VPS26B: variants seen among roughly 807,000 people sequenced by gnomAD.
The protein encoded by VPS26B is VPS26 retromer complex component B.
In VPS26B, 10 loss-of-function variants were observed where a neutral mutation model predicts 33.3. The ratio of observed to expected loss-of-function variants is 0.30; its 90% CI spans 0.19 to 0.51. The LOEUF is 0.51. VPS26B is among the 20% of genes least tolerant of loss of function. The probability of loss-of-function intolerance (pLI) is 0.98; values close to 1 mark genes in which losing one functional copy is unlikely to be tolerated. For synonymous variants in VPS26B, 190 were observed against 176.9 expected (o/e 1.07, Z -0.59); for missense variants, 317 against 452.7 (o/e 0.70, Z 2.72).
chr11:134,225,572 G>T, intron 1 of VPS26B: 1 of 553,624 alleles, frequency 1.8e-6, no homozygotes. Context: ...CGGCGAGGGC[G>T]GGAGGAAGCG....
chr11:134,226,818 G>T (rs1938483730), intron 1 of VPS26B, among the ~76,000 whole-genome samples: 1 of 152,174 alleles, frequency 6.6e-6, no homozygotes, highest in East Asian at 1.9e-4. Flanking sequence ...TTGTGGCCTG[G>T]CTCTTGGGTT....
At chr11:134,236,823 G>C (rs1380153961) in intron 2 of VPS26B, 1 of 152,258 alleles carries the variant, frequency 6.6e-6, no homozygotes, top group Non-Finnish European at 1.5e-5. Context: ...GAGGAAATGG[G>C]GGTTGGTGTT....
chr11:134,243,419 T>A, intron 4 of VPS26B, 125 bp downstream of exon 4: 1 of 1,186,790 alleles, frequency 8.4e-7, no homozygotes, highest in Non-Finnish European at 1.2e-6. Flanking sequence ...AACTTCTTAA[T>A]CTCTCAGTTT....
Position 134,244,975 on chromosome 11 carries a change from T to C in VPS26B, c.759T>C (p.Tyr253=), listed in dbSNP as rs370478180. The C allele has an allele frequency of 2.0e-5, 32 of 1,613,944 alleles. No homozygotes were observed. The highest frequency in any genetic ancestry group is 2.7e-5 in the Non-Finnish European group (32 of 1,180,020). The change falls in exon 5 of 6, where the codon TAT becomes TAC. Residue 253 remains tyrosine, a synonymous_variant. Transcript: ENST00000281187. This position sits in a 1 kb window ranked among gnomAD's most constrained non-coding sequence, Gnocchi z 4.0. ...CGATCCGGCTCTTCCTGGCCGGGTATGAGCTCACGCCCACCATGCGGGACA... is the reference window on the plus strand; with the variant it reads ...CGATCCGGCTCTTCCTGGCCGGGTACGAGCTCACGCCCACCATGCGGGACA... ...SIPIRLFLAG[Y]ELTPTMRDIN... is the part of the protein sequence containing the mutation.
At chr11:134,233,711 C>T (rs545416067) in intron 1 of VPS26B, among the ~76,000 whole-genome samples, 22 of 145,352 alleles carry the variant, frequency 1.5e-4, no homozygotes, top group Admixed American at 1.2e-3. Context: ...GGCGACAGAG[C>T]GAGACTCTGT....
intron 1 of VPS26B, among the ~76,000 whole-genome samples, chr11:134,228,779 G>A (rs1349148490): frequency 1.3e-5 from 2 of 152,236 alleles, no homozygotes; most frequent in Non-Finnish European, 2.9e-5. Context: ...GCTAGTGAGT[G>A]AGTTTGCTGA....
At chr11:134,236,146 C>T (rs528060256) in intron 2 of VPS26B, among the ~76,000 whole-genome samples, 46 of 150,290 alleles carry the variant, frequency 3.1e-4, no homozygotes, top group Non-Finnish European at 1.6e-4. Flanking sequence ...CCTATCTCTA[C>T]GAAAAAAAAA....
chr11:134,225,034 C>T lies in VPS26B; in HGVS notation c.-89C>T. 2 of 1,280,382 alleles carry T rather than the reference C, an allele frequency of 1.6e-6. No individual in the cohort carries two copies. The highest frequency in any genetic ancestry group is 1.8e-5 in the South Asian group (1 of 56,246). The allele number at this position is 1,280,382 out of a possible 1,614,324, so 79.3% of individuals were successfully genotyped here. A position where few individuals can be genotyped will look rare whatever the true frequency, so the allele number is the denominator to read the frequency against. On this transcript the variant is annotated 5_prime_UTR_variant, in exon 1 of 6. Coordinates refer to ENST00000281187, the MANE Select transcript of VPS26B (RefSeq NM_052875.5). Reference sequence around the variant, plus strand: ...GCGGCGGCCGAGCGCGCTCGCGCATCGGGCCCTCTGGCCTTCTTTACCTAG... The same window carrying T: ...GCGGCGGCCGAGCGCGCTCGCGCATTGGGCCCTCTGGCCTTCTTTACCTAG...
rs1045332189 is a variant in VPS26B, at chr11:134,240,570, A to G, written c.545+415A>G. 6.6e-6 allele frequency among the ~76,000 whole-genome samples: 1 copy of G among 152,178 alleles called. No homozygotes were observed. The highest frequency in any genetic ancestry group is 2.4e-5 in the African/African-American group (1 of 41,428). On this transcript the variant is annotated intron_variant, in intron 3 of 5. Coordinates refer to ENST00000281187, the MANE Select transcript of VPS26B (RefSeq NM_052875.5). The surrounding 1 kb of genome is among the most constrained non-coding windows in gnomAD (Gnocchi z 4.4). ...AGAAATCAAAGCGACGAAACCAAAT[A>G]TTGGCCATGATTTGCTGCTTCCTCC...
In VPS26B at chr11:134,240,794, CGTGTGT is replaced by C. The variant is rs55726358; in HGVS notation, c.545+668_545+673del. ...GTGTCCGTGTGTGTGTGTGTGTGTC[CGTGTGT>C]GTGTGTGTGTGTGTGTGTGTGTGTG... On this transcript the variant is annotated intron_variant, in intron 3 of 5. Transcript: ENST00000281187. This position sits in a 1 kb window ranked among gnomAD's most constrained non-coding sequence, Gnocchi z 4.4. 4.4e-4 allele frequency among the ~76,000 whole-genome samples: 61 copies of C among 138,532 alleles called. No homozygotes were observed. The highest frequency in any genetic ancestry group is 2.1e-3 in the Admixed American group (29 of 13,786). 90.9% of individuals were successfully genotyped at this position (138,532 alleles called of 152,430 possible). A position where few individuals can be genotyped will look rare whatever the true frequency, so the allele number is the denominator to read the frequency against.
In VPS26B at chr11:134,240,029, ATGT is replaced by A. The variant is rs1371005002; in HGVS notation, c.423_425del (p.Val142del). 1 of 1,614,138 alleles carries A rather than the reference ATGT, an allele frequency of 6.2e-7. No homozygotes were observed. The highest frequency in any genetic ancestry group is 8.5e-7 in the Non-Finnish European group (1 of 1,180,038). On this transcript the variant is annotated inframe_deletion, in exon 3 of 6. Coordinates refer to ENST00000281187, the MANE Select transcript of VPS26B (RefSeq NM_052875.5). The surrounding 1 kb of genome is among the most constrained non-coding windows in gnomAD (Gnocchi z 4.4). ...GCTACCATCAGCCGCCGCCTCAATG[ATGT>A]TGTCAAAGAGATGGACATTGTAGTT...
chr11:134,243,878 A>G (rs1431018318), intron 4 of VPS26B: 1 of 152,190 alleles, frequency 6.6e-6, no homozygotes, highest in African/African-American at 2.4e-5. Context: ...TCATTTGGGG[A>G]CCGTGATTAT....
In VPS26B at chr11:134,231,088, G is replaced by A. The variant is rs372042612; in HGVS notation, c.224-3809G>A. On this transcript the variant is annotated intron_variant, in intron 1 of 5. Coordinates refer to ENST00000281187, the MANE Select transcript of VPS26B (RefSeq NM_052875.5). ...AGCTGGAATCCTTTGGGGAACACCA[G>A]TGAAGTTTAGAAAGCAGACCTGGGC... Among the ~76,000 whole-genome samples, 24 of 152,362 alleles carry A rather than the reference G, an allele frequency of 1.6e-4. No homozygotes were observed. The East Asian group carries it at 3.3e-3, about 21-fold the overall frequency.
chr11:134,245,222 C>T lies in VPS26B; in HGVS notation c.864+142C>T. The T allele has an allele frequency of 1.5e-6, 2 of 1,358,894 alleles. No homozygotes were observed. Among genetic ancestry groups the T allele is most frequent in the South Asian group, 1.5e-5 (1 of 68,560 alleles). The allele number at this position is 1,358,894 out of a possible 1,614,324, so 84.2% of individuals were successfully genotyped here. On this transcript the variant is annotated intron_variant, in intron 5 of 5. Coordinates refer to ENST00000281187, the MANE Select transcript of VPS26B (RefSeq NM_052875.5). This position sits in a 1 kb window ranked among gnomAD's most constrained non-coding sequence, Gnocchi z 4.7. ...ATTGCACAACAAGAATGAGGATTCT[C>T]ACCTGGCCTTAGAGTCTGCTTCCTC...
At position 134,225,278 on chromosome 11, in the gene VPS26B, T is replaced by G; in HGVS notation, c.156T>G (p.Leu52=). The change falls in exon 1 of 6, where the codon CTT becomes CTG. Residue 52 remains leucine, a synonymous_variant. Transcript: ENST00000281187. ...AGACGGTCTCCGGGAAGGTGAGCCT[T>G]GCCCTCAAGAACCCCAACAAGCGGC... The part of the protein sequence containing the change: ...DGETVSGKVS[L]ALKNPNKRLE... 1 of 1,614,118 alleles carries G rather than the reference T, an allele frequency of 6.2e-7. No homozygotes were observed. Among genetic ancestry groups the G allele is most frequent in the Non-Finnish European group, 8.5e-7 (1 of 1,179,998 alleles).
chr11:134,243,230 C>T lies in VPS26B; in HGVS notation c.657C>T (p.Pro219=), dbSNP rs747318866. Residue 219 remains proline (P), a synonymous_variant, in exon 4 of 6, where the codon CCC becomes CCT. Coordinates refer to ENST00000281187, the MANE Select transcript of VPS26B (RefSeq NM_052875.5). ...IIKRETTGTG[P]NVYHENDTIA... ...AGCGAGAAACGACGGGTACAGGCCC[C>T]AACGTGTACCATGAGAATGACACGA... The T allele has an allele frequency of 3.1e-6, 5 of 1,614,060 alleles. No homozygotes were observed. The highest frequency in any genetic ancestry group is 2.2e-5 in the East Asian group (1 of 44,884).
chr11:134,225,494 T>TG, intron 1 of VPS26B, 149 bp downstream of exon 1: 1 of 777,390 alleles, frequency 1.3e-6, no homozygotes, highest in East Asian at 2.7e-5. Flanking sequence ...GTCCCGCCCG[T>TG]GGGCGACTCC....
At chr11:134,234,836 C>T in intron 1 of VPS26B, 61 bp from the exon 2 acceptor site, 1 of 1,576,768 alleles carries the variant, frequency 6.3e-7, no homozygotes. Context: ...CAGCCCCCTA[C>T]TCGGCCCGGT....
chr11:134,235,649 G>T (rs1938620496), intron 2 of VPS26B: 1 of 152,186 alleles, frequency 6.6e-6, no homozygotes, highest in African/African-American at 2.4e-5. Flanking sequence ...TTCAAAGTGG[G>T]TAATGGACTT....
Sources: allele counts gnomAD v4.1 joint callset (sites outside exome capture counted in the v4.1 genomes callset), GRCh38; gene constraint gnomAD v4.1.1; non-coding constraint Gnocchi (gnomAD v3.1); transcripts MANE v1.5; gene names NCBI Gene and HGNC (gene_info 2026-07-23, HGNC 2026-07-21).